TRERF1: variants seen among roughly 807,000 people sequenced by gnomAD.
TRERF1 encodes the protein transcriptional regulating factor 1, also known as transcriptional-regulating factor 1.
TRERF1 carries 27 observed loss-of-function variants against 122.9 expected under a neutral mutation model. The observed-to-expected ratio is 0.22, with a 90% CI of 0.16 to 0.30. The LOEUF is 0.30. TRERF1 is among the 10% of genes least tolerant of loss of function. The pLI, the probability that TRERF1 is intolerant of heterozygous loss-of-function variation, is 1.00. For synonymous variants in TRERF1, 636 were observed against 641.7 expected, an observed-to-expected ratio of 0.99 and a Z score of 0.13; for missense variants, 1,248 against 1,560.3, an observed-to-expected ratio of 0.80 and a Z score of 3.37.
At chr6:42,277,974 A>AGAAGAAGAAGAAGAAGAAGAC in intron 4 of TRERF1, among the ~76,000 whole-genome samples, 1 of 147,124 alleles carries the variant, frequency 6.8e-6, no homozygotes, top group East Asian at 2.0e-4. Context: ...AAGAAGAAGA[A>AGAAGAAGAAGAAGAAGAAGAC]GACTGCAATA....
chr6:42,334,301 C>T (rs1427757352), intron 3 of TRERF1, among the ~76,000 whole-genome samples: 7 of 152,168 alleles, frequency 4.6e-5, no homozygotes, highest in Non-Finnish European at 1.0e-4. Flanking sequence ...GACACTCCTC[C>T]TTCCAGAACA....
At chr6:42,376,223 T>G (rs1425345753) in intron 2 of TRERF1, among the ~76,000 whole-genome samples, 1 of 152,236 alleles carries the variant, frequency 6.6e-6, no homozygotes, top group African/African-American at 2.4e-5. Context: ...CTTGGAATTC[T>G]AAAATTAAAC....
In TRERF1 at chr6:42,311,755, G is replaced by T. The variant is rs58099772; in HGVS notation, c.-370-11006C>A. Among the ~76,000 whole-genome samples, 686 of 116,214 alleles carry T rather than the reference G, an allele frequency of 5.9e-3. 8 individuals are homozygous for T. Among genetic ancestry groups the T allele is most frequent in the African/African-American group, 0.02 (581 of 29,690 alleles). 76.2% of individuals were successfully genotyped at this position (116,214 alleles called of 152,430 possible). ...CACTCCAGCCTGGGCAACTGAGCAA[G>T]ACTCCGTCTCAAAAAAAAAAAAAAA... is the stretch of plus-strand genomic sequence containing the variant. On this transcript the variant is annotated intron_variant, in intron 3 of 17. Coordinates refer to ENST00000372922, the Ensembl canonical transcript of TRERF1.
At chr6:42,239,409 C>T (rs1478570138) in intron 15 of TRERF1, among the ~76,000 whole-genome samples, 1 of 152,180 alleles carries the variant, frequency 6.6e-6, no homozygotes, top group East Asian at 1.9e-4. Context: ...CAGAACCCAT[C>T]TTGGCTCCCT....
intron 2 of TRERF1, among the ~76,000 whole-genome samples, chr6:42,442,380 G>A (rs573183673): frequency 2.0e-4 from 30 of 152,262 alleles, no homozygotes; most frequent in African/African-American, 6.0e-4. Flanking sequence ...CCCTCAGGAA[G>A]GATTCTTTCT....
chr6:42,267,249 G>A (rs1561866519), intron 5 of TRERF1, among the ~76,000 whole-genome samples: 3 of 152,128 alleles, frequency 2.0e-5, no homozygotes, highest in South Asian at 2.1e-4. Flanking sequence ...TGGGAGGATC[G>A]TTTGAGCCCA....
intron 3 of TRERF1, among the ~76,000 whole-genome samples, chr6:42,339,783 G>C (rs2025429): frequency 0.35 from 53,310 of 151,962 alleles, 10,717 homozygotes; most frequent in Middle Eastern, 0.61. Context: ...GTATGAATTA[G>C]CCCAGTGCTC....
chr6:42,292,023 C>T (rs905853205), intron 4 of TRERF1, among the ~76,000 whole-genome samples: 6 of 152,302 alleles, frequency 3.9e-5, no homozygotes, highest in East Asian at 3.9e-4. Flanking sequence ...TATCTAACTT[C>T]GCTTTTGAGC....
rs759930108 is a variant in TRERF1 at position 42,259,317 on chromosome 6, G to C, written c.2269+22C>G. Reference sequence around the variant, plus strand: ...TTTACCCAGCACCCAGAGCCCAGGAGGACGCTAAAGGGGTGACTCACTGGA... The same window carrying C: ...TTTACCCAGCACCCAGAGCCCAGGACGACGCTAAAGGGGTGACTCACTGGA... On this transcript the variant is annotated intron_variant, in intron 9 of 17. Coordinates refer to ENST00000372922, the Ensembl canonical transcript of TRERF1. The surrounding 1 kb of genome is among the most constrained non-coding windows in gnomAD (Gnocchi z 4.9). 1 of 1,489,332 alleles carries C rather than the reference G, an allele frequency of 6.7e-7. No individual in the cohort carries two copies. The highest frequency in any genetic ancestry group is 1.4e-5 in the South Asian group (1 of 73,356). The allele number at this position is 1,489,332 out of a possible 1,614,324, so 92.3% of individuals were successfully genotyped here.
chr6:42,405,048 C>T (rs149396761), intron 2 of TRERF1, among the ~76,000 whole-genome samples: 358 of 152,330 alleles, frequency 2.4e-3, no homozygotes, highest in African/African-American at 8.1e-3. Flanking sequence ...CCACCACTTA[C>T]AGCTGTGCTC....
chr6:42,324,781 C>G (rs1218944443), intron 3 of TRERF1, among the ~76,000 whole-genome samples: 1 of 152,072 alleles, frequency 6.6e-6, no homozygotes, highest in African/African-American at 2.4e-5. Flanking sequence ...AAATGTAAGA[C>G]CTAAAACTAT....
In TRERF1 at chr6:42,408,210, A is replaced by AATATATATATATATAT. The variant is rs34821629; in HGVS notation, c.-454+42951_-454+42966dup. On this transcript the variant is annotated intron_variant, in intron 2 of 17. Transcript: ENST00000372922. Reference sequence around the variant, plus strand: ...TTCCATTAACTTCGCTATATAAATAAATATATATATATATATATGTGTGTG... The same window carrying AATATATATATATATAT: ...TTCCATTAACTTCGCTATATAAATAAATATATATATATATATATATATATATATATATATGTGTGTG... Among the ~76,000 whole-genome samples the AATATATATATATATAT allele has an allele frequency of 5.6e-3, 603 of 107,002 alleles. 10 individuals carry two copies. The highest frequency in any genetic ancestry group is 9.9e-3 in the Middle Eastern group (2 of 202). 70.2% of individuals were successfully genotyped at this position (107,002 alleles called of 152,430 possible).
Position 42,276,402 on chromosome 6 carries a change from C to T in TRERF1, c.-258-6554G>A, listed in dbSNP as rs1781154201. On this transcript the variant is annotated intron_variant, in intron 4 of 17. Coordinates refer to ENST00000372922, the Ensembl canonical transcript of TRERF1. The surrounding 1 kb of genome is among the most constrained non-coding windows in gnomAD (Gnocchi z 4.3). ...CTGACCCCGGGCAGTCAGTTAGAGA[C>T]TGTATACACAATTCTCCAAATGCCT... Among the ~76,000 whole-genome samples the T allele has an allele frequency of 6.6e-6, 1 of 152,226 alleles. No homozygotes were observed. The highest frequency in any genetic ancestry group is 6.5e-5 in the Admixed American group (1 of 15,282).
chr6:42,272,507 G>A (rs1220509822), intron 4 of TRERF1, among the ~76,000 whole-genome samples: 1 of 152,190 alleles, frequency 6.6e-6, no homozygotes, highest in Non-Finnish European at 1.5e-5. Context: ...CAGAATCTCA[G>A]GCTCCAGTTG....
At chr6:42,319,653 G>A (rs1278459815) in intron 3 of TRERF1, among the ~76,000 whole-genome samples, 4 of 151,816 alleles carry the variant, frequency 2.6e-5, no homozygotes, top group Non-Finnish European at 5.9e-5. Flanking sequence ...GAAACCCCAT[G>A]TCTACAAAAA....
rs193152765 is a variant in TRERF1 at position 42,340,146 on chromosome 6, A to G, written c.-371+22851T>C. ...AGTTGCCAGTCACAACCAAACAACC[A>G]TTTCTTACCTGTACCTGCTACAGAA... On this transcript the variant is annotated intron_variant, in intron 3 of 17. Coordinates refer to ENST00000372922, the Ensembl canonical transcript of TRERF1. Among the ~76,000 whole-genome samples the G allele has an allele frequency of 4.6e-3, 707 of 152,176 alleles. 2 individuals carry two copies. Among genetic ancestry groups the G allele is most frequent in the African/African-American group, 0.016 (674 of 41,514 alleles).
At chr6:42,289,277 T>C (rs1342389321) in intron 4 of TRERF1, among the ~76,000 whole-genome samples, 1 of 150,848 alleles carries the variant, frequency 6.6e-6, no homozygotes, top group Non-Finnish European at 1.5e-5. Context: ...AGTGAGCCGT[T>C]ATCATGCCAC....
At chr6:42,410,593 T>C (rs955373791) in intron 2 of TRERF1, among the ~76,000 whole-genome samples, 2 of 152,190 alleles carry the variant, frequency 1.3e-5, no homozygotes, top group African/African-American at 4.8e-5. Flanking sequence ...TTTATTTTTT[T>C]ACCCTCGCCT....
exon 18 of TRERF1, chr6:42,227,259 G>A (rs981126893): frequency 3.9e-5 from 6 of 152,134 alleles, no homozygotes; most frequent in Non-Finnish European, 7.3e-5. Flanking sequence ...ATTTGCTATC[G>A]TATGTGTTAG....
Sources: gnomAD v4.1 joint callset for allele counts (sites outside exome capture counted in the v4.1 genomes callset) on GRCh38, gnomAD v4.1.1 for gene constraint, Gnocchi (gnomAD v3.1) non-coding constraint, MANE v1.5 for transcripts, NCBI Gene and HGNC (gene_info 2026-07-23, HGNC 2026-07-21) for gene names.